Variants in FAM227B observed in about 807,000 individuals in gnomAD.
FAM227B encodes the protein family with sequence similarity 227 member B.
Under a neutral mutation model 73.8 loss-of-function variants are expected in FAM227B, and 88 were observed. The ratio of observed to expected loss-of-function variants is 1.19; its 90% confidence interval spans 1.00 to 1.42. The LOEUF (loss-of-function observed/expected upper bound fraction) is 1.42, where lower values mean the gene tolerates loss of function less well. Among genes scored for constraint, FAM227B ranks in the 40% most tolerant of loss-of-function variants. The probability of loss-of-function intolerance (pLI) is 0.00; values close to 1 mark genes in which losing one functional copy is unlikely to be tolerated. For missense variants in FAM227B, 632 were observed against 590.9 expected, an observed-to-expected ratio of 1.07 and a Z score of -0.72; for synonymous variants, 210 against 190.5, an observed-to-expected ratio of 1.10 and a Z score of -0.84.
chr15:49,552,619 C>T (rs2073167935), intron 9 of FAM227B, among the ~76,000 whole-genome samples: 1 of 152,254 alleles, frequency 6.6e-6, no homozygotes, highest in East Asian at 1.9e-4. Flanking sequence ...CTCAGATTTG[C>T]CCTTTTGAGG....
chr15:49,619,803 T>C (rs2078555044), intron 1 of FAM227B, among the ~76,000 whole-genome samples: 1 of 152,232 alleles, frequency 6.6e-6, no homozygotes, highest in African/African-American at 2.4e-5. Context: ...CTACTTTCCC[T>C]ACCCAGAAAA....
At chr15:49,345,701 C>G (rs2041375413) in intron 13 of FAM227B, among the ~76,000 whole-genome samples, 2 of 152,148 alleles carry the variant, frequency 1.3e-5, no homozygotes, top group African/African-American at 4.8e-5. Context: ...TAAAATAGTC[C>G]TTTTCTGGGA....
chr15:49,614,576 T>C (rs1181409669), intron 2 of FAM227B, among the ~76,000 whole-genome samples: 1 of 152,214 alleles, frequency 6.6e-6, no homozygotes, highest in Non-Finnish European at 1.5e-5. Context: ...TTTCTTTAAA[T>C]AAATATAGAA....
chr15:49,610,509 T>C (rs534771907), intron 3 of FAM227B, among the ~76,000 whole-genome samples: 1 of 152,018 alleles, frequency 6.6e-6, no homozygotes, highest in Admixed American at 6.5e-5. Context: ...ACTACATTGT[T>C]AGCAGTTTAA....
At chr15:49,513,497 A>G (rs1003212266) in intron 10 of FAM227B, among the ~76,000 whole-genome samples, 1 of 152,190 alleles carries the variant, frequency 6.6e-6, no homozygotes, top group Non-Finnish European at 1.5e-5. Flanking sequence ...CATTCTGGAT[A>G]TTAAACCTTT....
intron 11 of FAM227B, among the ~76,000 whole-genome samples, chr15:49,499,089 C>G (rs1272216578): frequency 6.8e-6 from 1 of 146,784 alleles, no homozygotes; most frequent in African/African-American, 2.5e-5. Flanking sequence ...TGGCGTGAAC[C>G]CGGGAGGCGG....
chr15:49,519,929 T>C (rs1018926383), intron 10 of FAM227B, among the ~76,000 whole-genome samples: 1 of 152,210 alleles, frequency 6.6e-6, no homozygotes, highest in Non-Finnish European at 1.5e-5. Flanking sequence ...TTGGCTTCCC[T>C]TTTAAACATA....
intron 10 of FAM227B, among the ~76,000 whole-genome samples, chr15:49,532,582 C>T (rs1248217326): frequency 6.6e-6 from 1 of 150,422 alleles, no homozygotes; most frequent in Non-Finnish European, 1.5e-5. Context: ...AAAATTGCTT[C>T]AGAATAACGC....
At chr15:49,424,628 A>G (rs747707846) in intron 11 of FAM227B, 1 of 1,413,614 alleles carries the variant, frequency 7.1e-7, no homozygotes, top group Admixed American at 2.3e-5. Context: ...CAATCTGTTA[A>G]TGGATCAATT....
chr15:49,564,085 T>C (rs2074457185), intron 9 of FAM227B, among the ~76,000 whole-genome samples: 1 of 152,090 alleles, frequency 6.6e-6, no homozygotes, highest in African/African-American at 2.4e-5. Flanking sequence ...TCACAAACTA[T>C]TCATCCAACA....
At chr15:49,396,721 C>T (rs1288541160) in intron 11 of FAM227B, among the ~76,000 whole-genome samples, 6 of 149,278 alleles carry the variant, frequency 4.0e-5, no homozygotes, top group Non-Finnish European at 6.0e-5. Context: ...TGGGAGGCAC[C>T]CCCCAGCAGG....
chr15:49,530,516 ATTCT>A (rs2060529473), intron 10 of FAM227B, among the ~76,000 whole-genome samples: 1 of 151,818 alleles, frequency 6.6e-6, no homozygotes, highest in Non-Finnish European at 1.5e-5. Flanking sequence ...TGACTAAGAG[ATTCT>A]TTCTGCAAGA....
chr15:49,565,381 CAA>C (rs3075974), intron 9 of FAM227B, among the ~76,000 whole-genome samples: 67 of 90,264 alleles, frequency 7.4e-4, no homozygotes, highest in African/African-American at 2.2e-3. Flanking sequence ...GACTCCATCT[CAA>C]AAAAAAAAAA....
In FAM227B at chr15:49,520,800, G is replaced by T. The variant is rs146639908; in HGVS notation, c.875-12452C>A. ...AGCTACAGTTCAAGATGAGATTTGC[G>T]TGGGGACACAGCCAAACCATATCAA... On this transcript the variant is annotated intron_variant, in intron 10 of 15. Transcript: ENST00000299338. Among the ~76,000 whole-genome samples the T allele has an allele frequency of 8.0e-3, 1,223 of 152,246 alleles. 21 individuals carry two copies. The highest frequency in any genetic ancestry group is 0.029 in the African/African-American group (1,185 of 41,524).
rs565390534 is a variant in FAM227B at position 49,563,346 on chromosome 15, T to C, written c.747+4899A>G. Among the ~76,000 whole-genome samples the C allele has an allele frequency of 7.9e-5, 12 of 152,054 alleles. No homozygotes were observed. In the East Asian group the frequency reaches 1.5e-3, roughly 20 times the overall value. On this transcript the variant is annotated intron_variant, in intron 9 of 15. Transcript: ENST00000299338. ...CTGCTCAAAGAAATCATAGATGACA[T>C]GAACAAACGGAAAAACATTCCACAC...
chr15:49,441,726 A>G (rs959099653), intron 11 of FAM227B, among the ~76,000 whole-genome samples: 3 of 151,632 alleles, frequency 2.0e-5, no homozygotes, highest in African/African-American at 4.8e-5. Flanking sequence ...TTTATTCATA[A>G]TTCTTATTCT....
intron 3 of FAM227B, among the ~76,000 whole-genome samples, chr15:49,591,477 T>G (rs2076568707): frequency 7.5e-6 from 1 of 132,926 alleles, no homozygotes; most frequent in Non-Finnish European, 1.6e-5. Flanking sequence ...CACCTGGCCC[T>G]TCCTTCCTTT....
intron 9 of FAM227B, among the ~76,000 whole-genome samples, chr15:49,564,520 C>CA (rs2074489468): frequency 6.6e-6 from 1 of 152,062 alleles, no homozygotes; most frequent in African/African-American, 2.4e-5. Flanking sequence ...GTCGTTCTAT[C>CA]AAAAAGACAC....
chr15:49,442,420 G>A (rs1161877099), intron 11 of FAM227B, among the ~76,000 whole-genome samples: 23 of 151,644 alleles, frequency 1.5e-4, no homozygotes, highest in African/African-American at 2.4e-5. Context: ...TGTGAGAACT[G>A]TAAAACAGTA....
Sources: gnomAD v4.1 joint callset for allele counts (sites outside exome capture counted in the v4.1 genomes callset) on GRCh38, gnomAD v4.1.1 for gene constraint, MANE v1.5 for transcripts, NCBI Gene and HGNC (gene_info 2026-07-23, HGNC 2026-07-21) for gene names.